Variants in TXNDC11 observed in about 807,000 individuals in gnomAD.
The protein encoded by TXNDC11 is thioredoxin domain containing 11.
A neutral mutation model predicts 78.0 loss-of-function variants in TXNDC11; 68 were observed. That is an observed-to-expected ratio of 0.87 (90% CI 0.72 to 1.07). The LOEUF (loss-of-function observed/expected upper bound fraction) is 1.07. Among genes scored for constraint, TXNDC11 ranks in the 50% least tolerant of loss-of-function variants. The probability of loss-of-function intolerance (pLI) is 0.00; values close to 1 mark genes in which losing one functional copy is unlikely to be tolerated. For missense variants in TXNDC11, 1,389 were observed against 1,221.8 expected (o/e 1.14, Z -2.04); for synonymous variants, 571 against 495.2 (o/e 1.15, Z -2.03).
chr16:11,689,485 T>A (rs756110084), intron 8 of TXNDC11, among the ~76,000 whole-genome samples: 20 of 152,340 alleles, frequency 1.3e-4, no homozygotes, highest in Non-Finnish European at 2.8e-4. Flanking sequence ...GACAGCTGAT[T>A]TATGAGTTAA....
At chr16:11,706,354 G>C (rs1228618203) in intron 5 of TXNDC11, among the ~76,000 whole-genome samples, 2 of 152,236 alleles carry the variant, frequency 1.3e-5, no homozygotes, top group East Asian at 1.9e-4. Context: ...GGTGCTCCTT[G>C]GCTGCTTGCT....
At chr16:11,688,598 C>G in intron 8 of TXNDC11, 153 bp from the exon 9 acceptor site, 1 of 622,850 alleles carries the variant, frequency 1.6e-6, no homozygotes, top group South Asian at 2.4e-5. Flanking sequence ...ACAAAGCTGC[C>G]CGGGTGGCAT....
chr16:11,710,474 TATTTA>T (rs1301501343), intron 5 of TXNDC11, among the ~76,000 whole-genome samples: 1 of 152,232 alleles, frequency 6.6e-6, no homozygotes, highest in East Asian at 1.9e-4. Context: ...AAAGCTCCCT[TATTTA>T]ACAGATGGGG....
chr16:11,738,204 G>T (rs1262846107), intron 1 of TXNDC11, among the ~76,000 whole-genome samples: 5 of 152,218 alleles, frequency 3.3e-5, no homozygotes, highest in African/African-American at 1.2e-4. Context: ...CATGCACTAT[G>T]ACTGCATTTA....
intron 4 of TXNDC11, among the ~76,000 whole-genome samples, chr16:11,728,222 G>A (rs1023459249): frequency 6.6e-6 from 1 of 152,188 alleles, no homozygotes; most frequent in East Asian, 1.9e-4. Context: ...GGCAGTGTGT[G>A]TGAAACTGAT....
chr16:11,738,876 A>C (rs2052308119), intron 1 of TXNDC11, among the ~76,000 whole-genome samples: 1 of 152,036 alleles, frequency 6.6e-6, no homozygotes, highest in Admixed American at 6.6e-5. Flanking sequence ...AAAAATACAA[A>C]ATTAGCTGGG....
intron 6 of TXNDC11, among the ~76,000 whole-genome samples, chr16:11,698,946 C>T (rs142015522): frequency 1.1e-4 from 16 of 152,306 alleles, no homozygotes; most frequent in Non-Finnish European, 2.2e-4. Flanking sequence ...GAAAGAGACA[C>T]CTAGATTTTT....
chr16:11,736,924 G>A (rs754879686), intron 1 of TXNDC11, among the ~76,000 whole-genome samples: 2 of 152,116 alleles, frequency 1.3e-5, no homozygotes, highest in Non-Finnish European at 2.9e-5. Context: ...CAAGTGGTCA[G>A]AAGTAACTTT....
At chr16:11,737,476 G>T (rs1031197250) in intron 1 of TXNDC11, among the ~76,000 whole-genome samples, 1 of 151,134 alleles carries the variant, frequency 6.6e-6, no homozygotes, top group Non-Finnish European at 1.5e-5. Context: ...AGTAAGTAAA[G>T]GAACAAGAAA....
At chr16:11,739,296 T>C (rs1047932697) in intron 1 of TXNDC11, among the ~76,000 whole-genome samples, 5 of 152,284 alleles carry the variant, frequency 3.3e-5, no homozygotes, top group African/African-American at 1.2e-4. Context: ...AAACTATACA[T>C]AGAGCAAAGA....
At chr16:11,722,815 G>A (rs4780396) in intron 4 of TXNDC11, among the ~76,000 whole-genome samples, 91,272 of 152,086 alleles carry the variant, frequency 0.6, 28,105 homozygotes, top group African/African-American at 0.71. Flanking sequence ...GTGGAAATTT[G>A]ATCTGTTGGT....
chr16:11,700,467 A>G lies in TXNDC11; in HGVS notation c.891T>C (p.His297=), dbSNP rs1192314320. 2 of 1,538,528 alleles carry G rather than the reference A, an allele frequency of 1.3e-6. No homozygotes were observed. Among genetic ancestry groups the G allele is most frequent in the Admixed American group, 3.4e-5 (2 of 58,174 alleles). ...AAATACTTACAAGTGATGTGTTGAA[A>G]TGTCTATGTAAATACACACTTCCAG... ...VHSGSVYLHR[H]FNTSLVFPRE... is the part of the protein sequence containing the mutation. Residue 297 remains histidine (H), a synonymous_variant, in exon 6 of 12, where the codon CAT becomes CAC. Transcript: ENST00000283033.
chr16:11,723,202 G>A (rs1305208916), intron 4 of TXNDC11, among the ~76,000 whole-genome samples: 3 of 151,744 alleles, frequency 2.0e-5, no homozygotes, highest in Non-Finnish European at 2.9e-5. Flanking sequence ...AGGCTGCAGT[G>A]AGCTGAGATC....
chr16:11,691,930 C>T lies in TXNDC11; in HGVS notation c.1260G>A (p.Ala420=), dbSNP rs199847533. Residue 420 remains alanine, a synonymous_variant, in exon 8 of 12, where the codon GCG becomes GCA. Coordinates refer to ENST00000283033, the MANE Select transcript of TXNDC11 (RefSeq NM_015914.7). ...AQLPDPPTIT[A]SPCCNTVVLP... is the part of the protein sequence containing the mutation. ...GCACCACAGTGTTGCAGCAGGGGGA[C>T]GCTGTGATCGTTGGCGGGTCTGGCA... is the stretch of plus-strand genomic sequence containing the variant. 21 of 1,612,620 alleles carry T rather than the reference C, an allele frequency of 1.3e-5. No homozygotes were observed. The highest frequency in any genetic ancestry group is 1.7e-5 in the Admixed American group (1 of 60,018).
intron 5 of TXNDC11, among the ~76,000 whole-genome samples, chr16:11,718,545 A>T (rs1465525158): frequency 6.6e-6 from 1 of 152,028 alleles, no homozygotes; most frequent in African/African-American, 2.4e-5. Flanking sequence ...ATCTGCTGTT[A>T]ATAATAAGGA....
At chr16:11,733,420 G>A (rs1197511007) in intron 3 of TXNDC11, among the ~76,000 whole-genome samples, 6 of 151,994 alleles carry the variant, frequency 3.9e-5, no homozygotes, top group South Asian at 2.1e-4. Flanking sequence ...CCAACTACTT[G>A]GGAGGCTGAG....
chr16:11,729,649 G>C (rs1465473290), intron 4 of TXNDC11, among the ~76,000 whole-genome samples: 2 of 152,118 alleles, frequency 1.3e-5, no homozygotes, highest in Admixed American at 6.6e-5. Flanking sequence ...TGATTTTGTT[G>C]TACCTAAGTA....
At position 11,742,705 on chromosome 16, in the gene TXNDC11, C is replaced by T. The variant is rs1205539062; in HGVS notation, c.26G>A (p.Gly9Asp). 1 of 1,481,670 alleles carries T rather than the reference C, an allele frequency of 6.7e-7. No homozygotes were observed. Among genetic ancestry groups the T allele is most frequent in the Non-Finnish European group, 8.9e-7 (1 of 1,126,742 alleles). The allele number at this position is 1,481,670 out of a possible 1,614,324, so 91.8% of individuals were successfully genotyped here. A position where few individuals can be genotyped will look rare whatever the true frequency, so the allele number is the denominator to read the frequency against. MSECGGRG[G>D]GSSSSEDAED... Reference sequence around the variant, plus strand: ...GGCGTCCTCGCTGCTGCTGCTGCCGCCGCCGCGGCCTCCGCATTCCGACAT... The same window carrying T: ...GGCGTCCTCGCTGCTGCTGCTGCCGTCGCCGCGGCCTCCGCATTCCGACAT... Residue 9 changes from glycine (G) to aspartate (D), a missense_variant, in exon 1 of 12, where the codon GGC (glycine) becomes GAC (aspartate). Transcript: ENST00000283033.
chr16:11,704,090 C>T (rs1291743430), intron 5 of TXNDC11, among the ~76,000 whole-genome samples: 2 of 151,942 alleles, frequency 1.3e-5, no homozygotes, highest in African/African-American at 4.8e-5. Flanking sequence ...GAAACTCCGT[C>T]TCAAAAAAAA....
Sources: gnomAD v4.1 joint callset for allele counts (sites outside exome capture counted in the v4.1 genomes callset) on GRCh38, gnomAD v4.1.1 for gene constraint, MANE v1.5 for transcripts, NCBI Gene and HGNC (gene_info 2026-07-23, HGNC 2026-07-21) for gene names.